DLG2: variants seen among roughly 807,000 people sequenced by gnomAD.
The protein encoded by DLG2 is discs large MAGUK scaffold protein 2.
In DLG2, 45 loss-of-function variants were observed where a neutral mutation model predicts 132.5. That is an observed-to-expected ratio of 0.34 (90% CI 0.27 to 0.44). The LOEUF (loss-of-function observed/expected upper bound fraction) is 0.44, where lower values mean the gene tolerates loss of function less well. DLG2 is among the 20% of genes least tolerant of loss of function. DLG2 has a pLI of 1.00. For missense variants in DLG2, 1,045 were observed against 1,196.9 expected (o/e 0.87, Z 1.87); for synonymous variants, 424 against 419.6 (o/e 1.01, Z -0.13).
chr11:84,441,359 C>A (rs886523315), intron 7 of DLG2, among the ~76,000 whole-genome samples: 1 of 151,968 alleles, frequency 6.6e-6, no homozygotes, highest in African/African-American at 2.4e-5. Flanking sequence ...TGCTATATTG[C>A]CCAGGCTGGT....
At chr11:84,510,093 ACTT>A (rs1251074947) in intron 7 of DLG2, among the ~76,000 whole-genome samples, 1 of 109,262 alleles carries the variant, frequency 9.2e-6, no homozygotes, top group Non-Finnish European at 1.9e-5. Context: ...GTAAGAGTTC[ACTT>A]ATTATTATTA....
At chr11:83,714,491 T>C (rs1487849364) in intron 18 of DLG2, among the ~76,000 whole-genome samples, 1 of 152,170 alleles carries the variant, frequency 6.6e-6, no homozygotes, top group African/African-American at 2.4e-5. Context: ...AGATAAATAG[T>C]AGAGCTGGAA....
At chr11:83,955,808 G>C (rs534060465) in intron 14 of DLG2, among the ~76,000 whole-genome samples, 3 of 152,268 alleles carry the variant, frequency 2.0e-5, no homozygotes, top group Admixed American at 2.0e-4. Flanking sequence ...TCTTTCTCCT[G>C]TGCTGGGTGC....
At chr11:83,906,130 G>T (rs2074753326) in intron 15 of DLG2, among the ~76,000 whole-genome samples, 1 of 138,694 alleles carries the variant, frequency 7.2e-6, no homozygotes, top group Non-Finnish European at 1.5e-5. Flanking sequence ...CACTATAAAA[G>T]CTCACAAAAT....
chr11:84,556,514 T>C lies in DLG2; in HGVS notation c.358-21783A>G, dbSNP rs150081421. ...GCCACACATAAAACACACTGATAGCTGATGAGCTAAAAATAAATAAATAAA... is the reference window on the plus strand; with the variant it reads ...GCCACACATAAAACACACTGATAGCCGATGAGCTAAAAATAAATAAATAAA... On this transcript the variant is annotated intron_variant, in intron 6 of 27. Transcript: ENST00000376104. 2.8e-4 allele frequency among the ~76,000 whole-genome samples: 42 copies of C among 152,300 alleles called. 1 individual carries two copies. In the East Asian group the frequency reaches 4.8e-3, roughly 17 times the overall value.
At position 84,157,413 on chromosome 11, in the gene DLG2, G is replaced by A. The variant is rs145093174; in HGVS notation, c.624+6048C>T. Among the ~76,000 whole-genome samples, 258 of 152,224 alleles carry A rather than the reference G, an allele frequency of 1.7e-3. 3 individuals carry two copies. The highest frequency in any genetic ancestry group is 6.0e-3 in the African/African-American group (248 of 41,524). On this transcript the variant is annotated intron_variant, in intron 9 of 27. Coordinates refer to ENST00000376104, the MANE Select transcript of DLG2 (RefSeq NM_001142699.3). ...CCTGCTACTCCCTATCTGAGAGGCCGTCATCCACTACTTTTTAAAAAAATT... is the reference window on the plus strand; with the variant it reads ...CCTGCTACTCCCTATCTGAGAGGCCATCATCCACTACTTTTTAAAAAAATT...
intron 18 of DLG2, among the ~76,000 whole-genome samples, chr11:83,737,407 G>T (rs778715883): frequency 6.6e-6 from 1 of 152,164 alleles, no homozygotes; most frequent in Non-Finnish European, 1.5e-5. Context: ...CTTTCATATT[G>T]ATTGGTTCTA....
At chr11:85,403,459 T>C (rs1285248911) in intron 3 of DLG2, among the ~76,000 whole-genome samples, 8 of 151,872 alleles carry the variant, frequency 5.3e-5, no homozygotes, top group Non-Finnish European at 1.2e-4. Context: ...CTGCACATTG[T>C]GCACATATAC....
intron 6 of DLG2, among the ~76,000 whole-genome samples, chr11:84,648,259 A>T (rs888483225): frequency 1.3e-5 from 2 of 152,214 alleles, no homozygotes; most frequent in Admixed American, 6.5e-5. Context: ...CCTTCATAGA[A>T]GAAGAAACAG....
intron 3 of DLG2, among the ~76,000 whole-genome samples, chr11:85,396,472 A>C (rs1283998983): frequency 6.6e-6 from 1 of 152,164 alleles, no homozygotes; most frequent in Non-Finnish European, 1.5e-5. Context: ...GTAATAACAA[A>C]CTTCTCCAAG....
chr11:84,088,545 C>G (rs993833469), intron 10 of DLG2, among the ~76,000 whole-genome samples: 1 of 152,118 alleles, frequency 6.6e-6, no homozygotes, highest in South Asian at 2.1e-4. Flanking sequence ...ACCAGATGTG[C>G]AGCTGAAATT....
chr11:85,477,782 C>G (rs2093186012), intron 3 of DLG2, among the ~76,000 whole-genome samples: 1 of 152,266 alleles, frequency 6.6e-6, no homozygotes, highest in Admixed American at 6.5e-5. Flanking sequence ...ATCTCATGAG[C>G]CTTGACAGGA....
At chr11:85,598,294 T>C (rs918132635) in intron 3 of DLG2, among the ~76,000 whole-genome samples, 2 of 152,100 alleles carry the variant, frequency 1.3e-5, no homozygotes, top group Admixed American at 6.6e-5. Context: ...TGTTACACAA[T>C]TCCTTCCCTG....
chr11:83,844,546 T>TAAAA (rs2058249860), intron 16 of DLG2, among the ~76,000 whole-genome samples: 1 of 10,802 alleles, frequency 9.3e-5, no homozygotes. Flanking sequence ...AGAGTCTGTA[T>TAAAA]CAAAAAAAAA....
intron 3 of DLG2, among the ~76,000 whole-genome samples, chr11:85,581,322 G>A (rs1347779232): frequency 1.3e-5 from 2 of 151,910 alleles, no homozygotes; most frequent in East Asian, 1.9e-4. Context: ...CTTTGAGAAC[G>A]CCTTCTCTGG....
At chr11:84,522,757 C>A (rs566679154) in intron 7 of DLG2, among the ~76,000 whole-genome samples, 1 of 152,160 alleles carries the variant, frequency 6.6e-6, no homozygotes, top group Non-Finnish European at 1.5e-5. Context: ...AAATTGCCTT[C>A]TGGACTATTT....
chr11:85,575,795 C>T (rs118049846), intron 3 of DLG2, among the ~76,000 whole-genome samples: 1 of 152,120 alleles, frequency 6.6e-6, no homozygotes, highest in Non-Finnish European at 1.5e-5. Flanking sequence ...GATTACCCTT[C>T]CTGGCCCTAT....
chr11:84,028,475 A>C (rs2095602137), intron 11 of DLG2, among the ~76,000 whole-genome samples: 1 of 140,638 alleles, frequency 7.1e-6, no homozygotes, highest in Non-Finnish European at 1.6e-5. Flanking sequence ...TTGAACCATG[A>C]AATAATTTTT....
chr11:85,169,230 G>A (rs760517063), intron 4 of DLG2, among the ~76,000 whole-genome samples: 26 of 151,654 alleles, frequency 1.7e-4, no homozygotes, highest in Admixed American at 3.3e-4. Context: ...TAATATTTTC[G>A]ATTTCAGGTT....
Sources: gnomAD v4.1 joint callset for allele counts (sites outside exome capture counted in the v4.1 genomes callset) on GRCh38, gnomAD v4.1.1 for gene constraint, MANE v1.5 for transcripts, NCBI Gene and HGNC (gene_info 2026-07-23, HGNC 2026-07-21) for gene names.